Variants in CSMD1 observed in about 807,000 individuals in gnomAD.
CSMD1 encodes CUB and Sushi multiple domains 1, also known as CUB and sushi domain-containing protein 1.
Under a neutral mutation model 417.5 loss-of-function variants are expected in CSMD1, and 213 were observed. The ratio of observed to expected loss-of-function variants is 0.51; its 90% CI spans 0.46 to 0.57. CSMD1 has a LOEUF of 0.57. Ranked by LOEUF, CSMD1 falls within the 20% of genes least tolerant of loss-of-function variation. The probability of loss-of-function intolerance (pLI) is 0.00; values close to 1 mark genes in which losing one functional copy is unlikely to be tolerated. For missense variants in CSMD1, 6,923 were observed against 4,529.7 expected (o/e 1.53, Z -15.17); for synonymous variants, 2,862 against 1,736.8 (o/e 1.65, Z -16.11).
At chr8:3,985,616 G>A (rs1681382284) in intron 5 of CSMD1, among the ~76,000 whole-genome samples, 1 of 152,146 alleles carries the variant, frequency 6.6e-6, no homozygotes. Flanking sequence ...AGTACAGGAA[G>A]ATCCTTGCAC....
chr8:4,832,640 T>A (rs1800221932), intron 1 of CSMD1, among the ~76,000 whole-genome samples: 1 of 152,214 alleles, frequency 6.6e-6, no homozygotes, highest in South Asian at 2.1e-4. Context: ...ATCTATCTGC[T>A]AAATGCTTTA....
At chr8:4,888,647 C>G (rs1803909605) in intron 1 of CSMD1, among the ~76,000 whole-genome samples, 1 of 152,032 alleles carries the variant, frequency 6.6e-6, no homozygotes, top group Non-Finnish European at 1.5e-5. Flanking sequence ...AGATCTTCAC[C>G]ATAAATATCA....
intron 3 of CSMD1, among the ~76,000 whole-genome samples, chr8:4,335,284 G>T (rs559764330): frequency 4.6e-5 from 7 of 152,150 alleles, no homozygotes; most frequent in African/African-American, 1.7e-4. Context: ...AATGCCCTAT[G>T]TCCTACTACC....
chr8:4,181,693 T>C (rs557560303), intron 3 of CSMD1, among the ~76,000 whole-genome samples: 1 of 151,952 alleles, frequency 6.6e-6, no homozygotes, highest in African/African-American at 2.4e-5. Flanking sequence ...CATTTATACT[T>C]TTTTCAATAT....
chr8:4,768,546 C>A (rs1054620240), intron 1 of CSMD1, among the ~76,000 whole-genome samples: 3 of 152,180 alleles, frequency 2.0e-5, no homozygotes, highest in Non-Finnish European at 4.4e-5. Flanking sequence ...TTGTTTGAGC[C>A]TCTTCTGTAG....
rs1031205038 is a variant in CSMD1 at position 3,230,188 on chromosome 8, A to G, written c.4197T>C (p.Asn1399=). 3 of 1,610,908 alleles carry G rather than the reference A, an allele frequency of 1.9e-6. 1 individual carries two copies. In the South Asian group the frequency reaches 3.3e-5, roughly 18 times the overall value. The change falls in exon 27 of 70, where the codon AAT becomes AAC. Residue 1399 remains asparagine, a synonymous_variant. Coordinates refer to ENST00000635120, the MANE Select transcript of CSMD1 (RefSeq NM_033225.6). ...CTCTGCTGTCTCCATAGCGGGTGCCATTTTGGGGCATACCTGGATCGTTAC... is the reference window on the plus strand; with the variant it reads ...CTCTGCTGTCTCCATAGCGGGTGCCGTTTTGGGGCATACCTGGATCGTTAC... ...ATCNDPGMPQ[N]GTRYGDSREA... is the part of the protein sequence containing the mutation.
At chr8:4,466,171 T>G (rs1800155096) in intron 2 of CSMD1, among the ~76,000 whole-genome samples, 1 of 152,132 alleles carries the variant, frequency 6.6e-6, no homozygotes, top group Admixed American at 6.5e-5. Flanking sequence ...CTCCGTGGTC[T>G]TAAGAGCTGT....
At chr8:3,179,732 A>G (rs1821193972) in intron 37 of CSMD1, among the ~76,000 whole-genome samples, 2 of 152,230 alleles carry the variant, frequency 1.3e-5, no homozygotes, top group South Asian at 4.1e-4. Flanking sequence ...ACTATCATAA[A>G]CAAGGCTTAT....
At chr8:3,020,428 A>C (rs1350383571) in intron 51 of CSMD1, among the ~76,000 whole-genome samples, 1 of 152,156 alleles carries the variant, frequency 6.6e-6, no homozygotes, top group Non-Finnish European at 1.5e-5. Context: ...GTGCAGTGGT[A>C]CAATTGTAGC....
At chr8:3,506,196 A>G (rs1020983840) in intron 10 of CSMD1, among the ~76,000 whole-genome samples, 12 of 152,144 alleles carry the variant, frequency 7.9e-5, no homozygotes, top group African/African-American at 2.9e-4. Context: ...CCCCAGCCCC[A>G]GGACGAGCTG....
intron 3 of CSMD1, among the ~76,000 whole-genome samples, chr8:4,269,143 G>C (rs558362654): frequency 3.3e-5 from 5 of 152,190 alleles, no homozygotes; most frequent in African/African-American, 1.2e-4. Flanking sequence ...TGAAATCTCT[G>C]TCTCCTGGGT....
Position 4,610,183 on chromosome 8 carries a change from A to G in CSMD1, c.302+27159T>C, listed in dbSNP as rs187559290. ...TCCCCTGCTTTCTTCTACTTCATTTAAAACTAGGATGTAAACAAGACTTGG... is the reference window on the plus strand; with the variant it reads ...TCCCCTGCTTTCTTCTACTTCATTTGAAACTAGGATGTAAACAAGACTTGG... On this transcript the variant is annotated intron_variant, in intron 2 of 69. Coordinates refer to ENST00000635120, the MANE Select transcript of CSMD1 (RefSeq NM_033225.6). 2.6e-5 allele frequency among the ~76,000 whole-genome samples: 4 copies of G among 152,276 alleles called. No homozygotes were observed. The East Asian group carries it at 7.7e-4, about 29-fold the overall frequency.
intron 4 of CSMD1, among the ~76,000 whole-genome samples, chr8:4,019,916 A>T (rs1585144198): frequency 2.2e-4 from 1 of 4,588 alleles, no homozygotes; most frequent in African/African-American, 2.6e-3. Context: ...TAATTCATTA[A>T]AAAAAAAAAA....
chr8:4,141,173 T>G (rs906603281), intron 3 of CSMD1, among the ~76,000 whole-genome samples: 1 of 151,168 alleles, frequency 6.6e-6, no homozygotes, highest in African/African-American at 2.5e-5. Context: ...TCTCACAGTT[T>G]CAAAAAATTA....
chr8:3,811,614 G>C (rs976860392), intron 5 of CSMD1, among the ~76,000 whole-genome samples: 13 of 152,086 alleles, frequency 8.5e-5, no homozygotes, highest in African/African-American at 2.7e-4. Flanking sequence ...CACTCCTTCA[G>C]AACCCAGGAC....
chr8:3,141,310 C>T (rs566703172), intron 41 of CSMD1, among the ~76,000 whole-genome samples: 2 of 152,186 alleles, frequency 1.3e-5, no homozygotes, highest in Non-Finnish European at 2.9e-5. Flanking sequence ...CCAGACCTAA[C>T]CAACTCCATC....
Position 4,327,554 on chromosome 8 carries a change from C to T in CSMD1, c.415+92399G>A, listed in dbSNP as rs141817101. On this transcript the variant is annotated intron_variant, in intron 3 of 69. Coordinates refer to ENST00000635120, the MANE Select transcript of CSMD1 (RefSeq NM_033225.6). ...CTGTTCCAGCTCCAATGTTGGCTTT[C>T]CTGTGGGGCGCTCATCACTGTCACT... is the stretch of plus-strand genomic sequence containing the variant. 1.8e-3 allele frequency among the ~76,000 whole-genome samples: 269 copies of T among 152,178 alleles called. 1 individual carries two copies. The highest frequency in any genetic ancestry group is 6.3e-3 in the African/African-American group (262 of 41,520).
At chr8:4,055,510 A>C (rs1798645636) in intron 3 of CSMD1, among the ~76,000 whole-genome samples, 1 of 141,186 alleles carries the variant, frequency 7.1e-6, no homozygotes, top group African/African-American at 3.1e-5. Context: ...AATAAGAGTC[A>C]AAATCAGCTC....
intron 2 of CSMD1, among the ~76,000 whole-genome samples, chr8:4,421,324 T>C (rs933456956): frequency 5.9e-5 from 9 of 152,276 alleles, no homozygotes; most frequent in African/African-American, 2.2e-4. Context: ...ATCAACCCTA[T>C]ATAACAGTAT....
Sources: allele counts gnomAD v4.1 joint callset (sites outside exome capture counted in the v4.1 genomes callset), GRCh38; gene constraint gnomAD v4.1.1; transcripts MANE v1.5; gene names NCBI Gene and HGNC (gene_info 2026-07-23, HGNC 2026-07-21).